The following GPHN variants were observed in gnomAD, a reference collection of about 807,000 sequenced individuals.
GPHN encodes the protein gephyrin.
In GPHN, 17 loss-of-function variants were observed where a neutral mutation model predicts 95.5. That is an observed-to-expected ratio of 0.18 (90% CI 0.12 to 0.27). The LOEUF (loss-of-function observed/expected upper bound fraction) is 0.27. GPHN is among the 10% of genes least tolerant of loss of function. The pLI is 1.00. For synonymous variants in GPHN, 320 were observed against 322.5 expected (o/e 0.99, Z 0.08); for missense variants, 660 against 978.1 (o/e 0.67, Z 4.34).
the GPHN span, among the ~76,000 whole-genome samples, chr14:67,597,972 G>T: frequency 6.6e-6 from 1 of 151,876 alleles, no homozygotes; most frequent in African/African-American, 2.4e-5. Context: ...AAGGGATGAA[G>T]AACAATAAAT....
At chr14:66,994,836 A>G (rs937426101) in intron 9 of GPHN, among the ~76,000 whole-genome samples, 5 of 152,358 alleles carry the variant, frequency 3.3e-5, no homozygotes, top group African/African-American at 9.6e-5. Context: ...ATAAGTGGCT[A>G]TGATACTTTT....
chr14:66,545,550 G>A (rs1260803563), intron 1 of GPHN, among the ~76,000 whole-genome samples: 3 of 110,090 alleles, frequency 2.7e-5, no homozygotes, highest in African/African-American at 5.1e-5. Flanking sequence ...GCGGCTGGCC[G>A]GGCGGGGGGC....
chr14:67,416,468 G>C, the GPHN span, among the ~76,000 whole-genome samples: 2 of 152,178 alleles, frequency 1.3e-5, no homozygotes, highest in Non-Finnish European at 2.9e-5. Context: ...CACCCTGAAG[G>C]CACTGAAAAG....
the GPHN span, among the ~76,000 whole-genome samples, chr14:67,330,498 G>C: frequency 8.5e-6 from 1 of 117,936 alleles, no homozygotes; most frequent in Non-Finnish European, 1.7e-5. Flanking sequence ...CGCTCTTGTT[G>C]CCCAGGCTGG....
chr14:67,682,839 A>C, the GPHN span, among the ~76,000 whole-genome samples: 1 of 152,242 alleles, frequency 6.6e-6, no homozygotes, highest in Non-Finnish European at 1.5e-5. Flanking sequence ...AATGCCCATC[A>C]CCTGATGAAT....
At chr14:67,680,520 G>A in the GPHN span, among the ~76,000 whole-genome samples, 1 of 152,206 alleles carries the variant, frequency 6.6e-6, no homozygotes, top group African/African-American at 2.4e-5. Flanking sequence ...CTGGAGTGCA[G>A]TGGTGTGATC....
At chr14:66,510,666 A>G (rs935823906) in intron 1 of GPHN, among the ~76,000 whole-genome samples, 1 of 152,234 alleles carries the variant, frequency 6.6e-6, no homozygotes, top group Non-Finnish European at 1.5e-5. Context: ...AGAATTTAAT[A>G]CATTTACTAG....
the GPHN span, among the ~76,000 whole-genome samples, chr14:67,530,817 T>C: frequency 6.6e-6 from 1 of 152,242 alleles, no homozygotes. Flanking sequence ...TTGTGCCAGC[T>C]TGCCAATACA....
At chr14:67,378,693 C>T in the GPHN span, among the ~76,000 whole-genome samples, 2 of 152,234 alleles carry the variant, frequency 1.3e-5, no homozygotes, top group Non-Finnish European at 2.9e-5. Flanking sequence ...CTTGTTACCA[C>T]TAAACCTTGG....
chr14:67,053,117 G>A (rs1419135356), intron 10 of GPHN, among the ~76,000 whole-genome samples: 2 of 142,872 alleles, frequency 1.4e-5, no homozygotes, highest in African/African-American at 2.6e-5. Context: ...GAGCAGAACT[G>A]AAGGAGATAG....
At chr14:67,234,137 C>A in the GPHN span, among the ~76,000 whole-genome samples, 205 of 152,300 alleles carry the variant, frequency 1.3e-3, 2 homozygotes, top group Non-Finnish European at 2.2e-3. Context: ...TTATTATACT[C>A]ATTTTATAAA....
chr14:66,640,598 C>G (rs1254255674), intron 1 of GPHN, among the ~76,000 whole-genome samples: 5 of 152,082 alleles, frequency 3.3e-5, no homozygotes, highest in African/African-American at 1.2e-4. Context: ...GTCCAAAGTG[C>G]TACTAGTACT....
At chr14:67,187,566 T>A in the GPHN span, among the ~76,000 whole-genome samples, 156 of 152,234 alleles carry the variant, frequency 1.0e-3, no homozygotes, top group Non-Finnish European at 1.0e-3. Flanking sequence ...AGAACATAAA[T>A]CTCTCCATGT....
the GPHN span, chr14:67,727,242 G>T: frequency 7.0e-7 from 1 of 1,438,618 alleles, no homozygotes; most frequent in South Asian, 1.2e-5. Context: ...CCAAATTAGA[G>T]GTCCACAGCA....
At chr14:66,876,939 C>T (rs538624605) in intron 4 of GPHN, among the ~76,000 whole-genome samples, 3 of 151,840 alleles carry the variant, frequency 2.0e-5, no homozygotes, top group Non-Finnish European at 4.4e-5. Context: ...AGAGACACAA[C>T]AAAAAAAATT....
chr14:67,479,612 G>A, the GPHN span, among the ~76,000 whole-genome samples: 2 of 152,106 alleles, frequency 1.3e-5, no homozygotes, highest in Non-Finnish European at 2.9e-5. Context: ...CAGCTACTCG[G>A]GAGGCTGAGG....
chr14:66,823,647 G>GA (rs921279748), intron 3 of GPHN, among the ~76,000 whole-genome samples: 35 of 151,268 alleles, frequency 2.3e-4, no homozygotes, highest in African/African-American at 8.0e-4. Flanking sequence ...AACACAAACT[G>GA]AAAAAAAAGG....
the GPHN span, chr14:67,691,006 C>A: frequency 1.5e-6 from 1 of 670,222 alleles, no homozygotes. Flanking sequence ...CAGGTAGGAC[C>A]AAACTATTAT....
At chr14:66,789,014 G>A (rs976463008) in intron 3 of GPHN, among the ~76,000 whole-genome samples, 2 of 152,176 alleles carry the variant, frequency 1.3e-5, no homozygotes, top group East Asian at 3.8e-4. Context: ...TCTAAACGTT[G>A]TATAACCCTT....
Sources: gnomAD v4.1 joint callset for allele counts (sites outside exome capture counted in the v4.1 genomes callset) on GRCh38, gnomAD v4.1.1 for gene constraint, MANE v1.5 for transcripts, NCBI Gene and HGNC (gene_info 2026-07-23, HGNC 2026-07-21) for gene names.